SNX25: variants seen among roughly 807,000 people sequenced by gnomAD.
SNX25 encodes the protein sorting nexin-25.
Under a neutral mutation model 113.7 loss-of-function variants are expected in SNX25, and 62 were observed. The ratio of observed to expected loss-of-function variants is 0.55; its 90% CI spans 0.44 to 0.67. The LOEUF (loss-of-function observed/expected upper bound fraction) is 0.67. Ranked by LOEUF, SNX25 falls within the 30% of genes least tolerant of loss-of-function variation. SNX25 has a pLI of 0.00. For missense variants in SNX25, 1,014 were observed against 1,161.0 expected, an observed-to-expected ratio of 0.87 and a Z score of 1.84; for synonymous variants, 421 against 436.2, an observed-to-expected ratio of 0.97 and a Z score of 0.43.
intron 6 of SNX25, among the ~76,000 whole-genome samples, chr4:185,309,053 G>A (rs914399165): frequency 7.2e-5 from 11 of 152,190 alleles, no homozygotes; most frequent in Non-Finnish European, 1.2e-4. Flanking sequence ...GTCACGTGAC[G>A]TCAGCTGGAG....
intron 5 of SNX25, among the ~76,000 whole-genome samples, chr4:185,272,397 G>C (rs1749066596): frequency 6.6e-6 from 1 of 152,170 alleles, no homozygotes; most frequent in African/African-American, 2.4e-5. Context: ...TGAAAGGTTT[G>C]CCCTTTCAGA....
intron 1 of SNX25, among the ~76,000 whole-genome samples, chr4:185,213,753 T>G (rs1433307540): frequency 3.3e-5 from 5 of 152,224 alleles, no homozygotes; most frequent in Admixed American, 2.6e-4. Context: ...ATCCATAGTT[T>G]AGAAAAACTT....
Position 185,209,704 on chromosome 4 carries a change from C to A in SNX25, c.-123C>A. The stretch of plus-strand genomic sequence containing the variant: ...GCCGAGAGGGGCCCGGCGGCGTCTG[C>A]GGGGGCCGCTCCCTCGGTGGGCCGC... On this transcript the variant is annotated 5_prime_UTR_variant, in exon 1 of 19. Coordinates refer to ENST00000652585, the MANE Select transcript of SNX25 (RefSeq NM_001378034.2). The surrounding 1 kb of genome is among the most constrained non-coding windows in gnomAD (Gnocchi z 5.2). 1 of 980,608 alleles carries A rather than the reference C, an allele frequency of 1.0e-6. No individual in the cohort carries two copies. The highest frequency in any genetic ancestry group is 4.7e-5 in the South Asian group (1 of 21,196). 60.7% of individuals were successfully genotyped at this position (980,608 alleles called of 1,614,324 possible).
the SNX25 span, chr4:185,377,993 C>T: frequency 9.3e-7 from 1 of 1,072,258 alleles, no homozygotes; most frequent in Non-Finnish European, 1.4e-6. Context: ...ATCAATAAAA[C>T]ACATTATTTC....
rs550973427 is a variant in SNX25, at chr4:185,337,956, A to G, written c.1915-1423A>G. 3.3e-5 allele frequency among the ~76,000 whole-genome samples: 5 copies of G among 152,224 alleles called. No homozygotes were observed. In the East Asian group the frequency reaches 9.6e-4, roughly 29 times the overall value. On this transcript the variant is annotated intron_variant, in intron 10 of 18. Coordinates refer to ENST00000652585, the MANE Select transcript of SNX25 (RefSeq NM_001378034.2). ...GCATCCTTTCATGTCCTTATTGGCC[A>G]TTTGTGTATCCTCTTTGGAGAAATG...
Position 185,209,764 on chromosome 4 carries a change from G to A in SNX25, c.-63G>A. The A allele has an allele frequency of 2.0e-6, 2 of 984,058 alleles. No homozygotes were observed. The highest frequency in any genetic ancestry group is 2.4e-6 in the Non-Finnish European group (2 of 829,426). The allele number at this position is 984,058 out of a possible 1,614,324, so 61.0% of individuals were successfully genotyped here. A position where few individuals can be genotyped will look rare whatever the true frequency, so the allele number is the denominator to read the frequency against. Reference sequence around the variant, plus strand: ...ATGAGCGCGGGCTCCCCCTGCCTCCGGAGCGCCGGCGGGGGACCGGGGGGC... The same window carrying A: ...ATGAGCGCGGGCTCCCCCTGCCTCCAGAGCGCCGGCGGGGGACCGGGGGGC... On this transcript the variant is annotated 5_prime_UTR_variant, in exon 1 of 19. Transcript: ENST00000652585. The surrounding 1 kb of genome is among the most constrained non-coding windows in gnomAD (Gnocchi z 5.2).
chr4:185,351,810 G>A (rs997916419), intron 14 of SNX25, among the ~76,000 whole-genome samples: 3 of 152,004 alleles, frequency 2.0e-5, no homozygotes, highest in African/African-American at 7.3e-5. Flanking sequence ...CTTCGGAGTT[G>A]GTAAGTGAAA....
intron 5 of SNX25, among the ~76,000 whole-genome samples, chr4:185,270,079 C>CAAAAAAA (rs35691426): frequency 8.1e-6 from 1 of 123,466 alleles, no homozygotes; most frequent in Non-Finnish European, 1.7e-5. Context: ...AGAAGTAGCT[C>CAAAAAAA]AAAAAAAAAA....
At chr4:185,347,846 G>A (rs2095295616) in intron 13 of SNX25, among the ~76,000 whole-genome samples, 1 of 152,118 alleles carries the variant, frequency 6.6e-6, no homozygotes, top group Non-Finnish European at 1.5e-5. Flanking sequence ...CCATGTTCTG[G>A]ATCTGAGTTC....
At chr4:185,302,546 G>A (rs1753857446) in intron 6 of SNX25, among the ~76,000 whole-genome samples, 1 of 152,218 alleles carries the variant, frequency 6.6e-6, no homozygotes, top group African/African-American at 2.4e-5. Context: ...TTGTTGTGGT[G>A]TGAAAGCAAA....
chr4:185,286,479 T>C (rs983449639), intron 5 of SNX25, among the ~76,000 whole-genome samples: 3 of 152,200 alleles, frequency 2.0e-5, no homozygotes, highest in Non-Finnish European at 2.9e-5. Context: ...ATCCTTGTTT[T>C]ACACAGAAAA....
In SNX25 at chr4:185,292,085, C is replaced by T. The variant is rs558497430; in HGVS notation, c.1162+4003C>T. Among the ~76,000 whole-genome samples the T allele has an allele frequency of 3.3e-5, 5 of 152,168 alleles. No individual in the cohort carries two copies. The South Asian group carries it at 1.0e-3, about 32-fold the overall frequency. On this transcript the variant is annotated intron_variant, in intron 6 of 18. Coordinates refer to ENST00000652585, the MANE Select transcript of SNX25 (RefSeq NM_001378034.2). The stretch of plus-strand genomic sequence containing the variant: ...TTCTGGTATCACTATTTAGCTTTTT[C>T]TACATTAGTCTCTTTTAAGACTATA...
At chr4:185,308,524 C>G (rs1273492632) in intron 6 of SNX25, among the ~76,000 whole-genome samples, 1 of 152,150 alleles carries the variant, frequency 6.6e-6, no homozygotes, top group East Asian at 1.9e-4. Flanking sequence ...CACCCTCTTT[C>G]TTTCTTCCTC....
chr4:185,327,239 A>C (rs2095163173), intron 9 of SNX25, among the ~76,000 whole-genome samples: 2 of 152,206 alleles, frequency 1.3e-5, no homozygotes. Context: ...CTAGACAGAA[A>C]TGCAGATAAG....
In SNX25 at chr4:185,323,564, A is replaced by C. The variant is rs1371577836; in HGVS notation, c.1513A>C (p.Asn505His). The C allele has an allele frequency of 1.2e-6, 2 of 1,611,768 alleles. No homozygotes were observed. The highest frequency in any genetic ancestry group is 1.7e-6 in the Non-Finnish European group (2 of 1,179,334). Residue 505 changes from asparagine (N) to histidine (H), a missense_variant, in exon 9 of 19, where the codon AAT becomes CAT. Physicochemically the swap from Asn to His is moderately conservative, Grantham distance 68. Transcript: ENST00000652585. ...ACAATTAGTTGGTGAAATTTATCAG[A>C]ATTTCTTTGTGGAGAGCAAAGAAAT... is the stretch of plus-strand genomic sequence containing the variant. ...IPQLVGEIYQ[N>H]FFVESKEISV...
Position 185,362,701 on chromosome 4 carries a change from A to C in SNX25, c.2924A>C (p.His975Pro). 6.2e-7 allele frequency: 1 copy of C among 1,613,834 alleles called. No individual in the cohort carries two copies. The highest frequency in any genetic ancestry group is 8.5e-7 in the Non-Finnish European group (1 of 1,179,712). ...NALQETRANK[H>P]LLYALMELLL... ...CTGCAAGAAACAAGAGCCAACAAGCATCTGTTATATGTGAGTAAATTAAAG... is the reference window on the plus strand; with the variant it reads ...CTGCAAGAAACAAGAGCCAACAAGCCTCTGTTATATGTGAGTAAATTAAAG... Residue 975 changes from histidine to proline, a missense_variant, in exon 18 of 19, where the codon CAT becomes CCT. Coordinates refer to ENST00000652585, the MANE Select transcript of SNX25 (RefSeq NM_001378034.2).
At chr4:185,322,322 T>C (rs928848275) in intron 8 of SNX25, among the ~76,000 whole-genome samples, 3 of 152,008 alleles carry the variant, frequency 2.0e-5, no homozygotes, top group Non-Finnish European at 4.4e-5. Context: ...TCCCAGCTAC[T>C]TGGGAGGCTG....
At chr4:185,272,583 A>T (rs929756244) in intron 5 of SNX25, among the ~76,000 whole-genome samples, 2 of 152,058 alleles carry the variant, frequency 1.3e-5, no homozygotes, top group Non-Finnish European at 2.9e-5. Flanking sequence ...CTGGAGGGGA[A>T]TCCGGGCATC....
At chr4:185,214,776 C>T (rs1394871300) in intron 1 of SNX25, among the ~76,000 whole-genome samples, 2 of 152,166 alleles carry the variant, frequency 1.3e-5, no homozygotes, top group African/African-American at 2.4e-5. Context: ...ATTTTGTTGT[C>T]TAGTTAGTTG....
Sources: allele counts gnomAD v4.1 joint callset (sites outside exome capture counted in the v4.1 genomes callset), GRCh38; gene constraint gnomAD v4.1.1; non-coding constraint Gnocchi (gnomAD v3.1); transcripts MANE v1.5; gene names NCBI Gene and HGNC (gene_info 2026-07-23, HGNC 2026-07-21).